The following CACNB2 variants were observed in gnomAD, a reference collection of about 807,000 sequenced individuals.
The protein encoded by CACNB2 is calcium voltage-gated channel auxiliary subunit beta 2.
In CACNB2, 42 loss-of-function variants were observed where a neutral mutation model predicts 73.3. That is an observed-to-expected ratio of 0.57 (90% CI 0.45 to 0.74). The LOEUF (loss-of-function observed/expected upper bound fraction) is 0.74. Ranked by LOEUF, CACNB2 falls within the 30% of genes least tolerant of loss-of-function variation. The pLI, the probability that CACNB2 is intolerant of heterozygous loss-of-function variation, is 0.00. For missense variants in CACNB2, 940 were observed against 853.0 expected (o/e 1.10, Z -1.27); for synonymous variants, 348 against 310.3 (o/e 1.12, Z -1.28).
chr10:18,443,014 G>GTATA lies in CACNB2; in HGVS notation c.333+40990_333+40993dup, dbSNP rs71402168. Among the ~76,000 whole-genome samples the GTATA allele has an allele frequency of 1.8e-3, 29 of 16,530 alleles. 2 individuals are homozygous for GTATA. The highest frequency in any genetic ancestry group is 2.1e-3 in the African/African-American group (4 of 1,914). The allele number at this position is 16,530 out of a possible 152,430, so 10.8% of individuals were successfully genotyped here. A position where few individuals can be genotyped will look rare whatever the true frequency, so the allele number is the denominator to read the frequency against. On this transcript the variant is annotated intron_variant, in intron 3 of 13. Transcript: ENST00000324631. Reference sequence around the variant, plus strand: ...TATATATATGTGTATATATATATATGTATATATATATATATATATATAAAT... The same window carrying GTATA: ...TATATATATGTGTATATATATATATGTATATATATATATATATATATATATAAAT...
At chr10:18,401,063 G>C (rs1474200609) in intron 2 of CACNB2, 28 of 1,614,214 alleles carry the variant, frequency 1.7e-5, no homozygotes, top group Non-Finnish European at 2.3e-5. Flanking sequence ...CTTCTGAAAA[G>C]AGCCAAGGGA....
At chr10:18,231,239 C>T (rs1413440228) in intron 2 of CACNB2, among the ~76,000 whole-genome samples, 1 of 152,162 alleles carries the variant, frequency 6.6e-6, no homozygotes, top group African/African-American at 2.4e-5. Flanking sequence ...TGCAGTGGCC[C>T]GATCTCGGCT....
chr10:18,284,173 G>T (rs1324846609), intron 2 of CACNB2, among the ~76,000 whole-genome samples: 3 of 152,208 alleles, frequency 2.0e-5, no homozygotes, highest in Non-Finnish European at 4.4e-5. Flanking sequence ...AGGCAAAGAA[G>T]AGCAAAGTCA....
chr10:18,232,026 T>C (rs2036243127), intron 2 of CACNB2, among the ~76,000 whole-genome samples: 1 of 152,188 alleles, frequency 6.6e-6, no homozygotes, highest in African/African-American at 2.4e-5. Flanking sequence ...TTATTTTCCT[T>C]CCCCAAGCAC....
At chr10:18,451,125 G>A (rs972277534) in intron 3 of CACNB2, among the ~76,000 whole-genome samples, 2 of 152,218 alleles carry the variant, frequency 1.3e-5, no homozygotes, top group Non-Finnish European at 2.9e-5. Context: ...GAAAATTAGT[G>A]CAGAGCTGGG....
chr10:18,290,252 C>T (rs1197224713), intron 2 of CACNB2, among the ~76,000 whole-genome samples: 1 of 150,918 alleles, frequency 6.6e-6, no homozygotes, highest in East Asian at 2.0e-4. Context: ...GTCCCAAACT[C>T]CTGACCTCAG....
chr10:18,182,209 TAGC>T (rs1564323647), intron 2 of CACNB2: 1 of 152,084 alleles, frequency 6.6e-6, no homozygotes, highest in Non-Finnish European at 1.5e-5. Context: ...ATGCCTGTAA[TAGC>T]AGCACTTTGG....
intron 2 of CACNB2, among the ~76,000 whole-genome samples, chr10:18,344,452 C>T (rs1182703892): frequency 6.6e-6 from 1 of 151,818 alleles, no homozygotes; most frequent in Non-Finnish European, 1.5e-5. Context: ...TCACTGAAAC[C>T]TCCACCTTTT....
chr10:18,514,709 C>T (rs1394915253), intron 7 of CACNB2, among the ~76,000 whole-genome samples: 1 of 152,200 alleles, frequency 6.6e-6, no homozygotes, highest in Non-Finnish European at 1.5e-5. Flanking sequence ...AACACCATTA[C>T]AGTACTTATC....
chr10:18,372,547 C>T (rs1286644969), intron 2 of CACNB2, among the ~76,000 whole-genome samples: 1 of 152,070 alleles, frequency 6.6e-6, no homozygotes, highest in Non-Finnish European at 1.5e-5. Flanking sequence ...ACTGGGATTA[C>T]AGATGTCCGC....
At chr10:18,400,491 T>C in intron 2 of CACNB2, 1 of 686,266 alleles carries the variant, frequency 1.5e-6, no homozygotes, top group Non-Finnish European at 1.8e-6. Context: ...CAGTGTGATG[T>C]GAGCATCTGC....
At chr10:18,523,002 G>GT (rs2052079652) in intron 9 of CACNB2, among the ~76,000 whole-genome samples, 1 of 151,242 alleles carries the variant, frequency 6.6e-6, no homozygotes, top group Admixed American at 6.6e-5. Flanking sequence ...TATAATCAAG[G>GT]TCTTCTAACC....
chr10:18,152,918 C>T (rs1056488426), intron 2 of CACNB2, among the ~76,000 whole-genome samples: 5 of 152,040 alleles, frequency 3.3e-5, no homozygotes, highest in African/African-American at 2.4e-5. Flanking sequence ...AGAAACGCCA[C>T]GTGAAGGCAG....
At chr10:18,367,308 C>T (rs541343720) in intron 2 of CACNB2, among the ~76,000 whole-genome samples, 3 of 151,526 alleles carry the variant, frequency 2.0e-5, no homozygotes, top group Non-Finnish European at 2.9e-5. Context: ...TTGTTATATG[C>T]GGAATTATTT....
intron 6 of CACNB2, among the ~76,000 whole-genome samples, chr10:18,506,915 C>G (rs2050520675): frequency 6.6e-6 from 1 of 152,220 alleles, no homozygotes. Flanking sequence ...CCCCCCACCT[C>G]CGCTTCCCAA....
intron 2 of CACNB2, among the ~76,000 whole-genome samples, chr10:18,224,004 G>A (rs74819424): frequency 8.1e-6 from 1 of 123,094 alleles, no homozygotes; most frequent in East Asian, 2.1e-4. Flanking sequence ...TTTTTTTTTT[G>A]TCCTGGGAAA....
intron 3 of CACNB2, among the ~76,000 whole-genome samples, chr10:18,414,221 T>C (rs575306319): frequency 6.6e-6 from 1 of 152,364 alleles, no homozygotes; most frequent in Non-Finnish European, 1.5e-5. Context: ...AACTTTGAGA[T>C]GTGCTTTCTG....
At chr10:18,274,173 G>A (rs944470348) in intron 2 of CACNB2, among the ~76,000 whole-genome samples, 8 of 151,922 alleles carry the variant, frequency 5.3e-5, no homozygotes, top group Non-Finnish European at 1.0e-4. Flanking sequence ...AGGTTAATTC[G>A]GGTGAAATAA....
intron 2 of CACNB2, among the ~76,000 whole-genome samples, chr10:18,271,658 G>T (rs999292721): frequency 6.6e-6 from 1 of 152,092 alleles, no homozygotes. Flanking sequence ...GCAGGTAGCC[G>T]TTCTCTGAAG....
Sources: gnomAD v4.1 joint callset for allele counts (sites outside exome capture counted in the v4.1 genomes callset) on GRCh38, gnomAD v4.1.1 for gene constraint, MANE v1.5 for transcripts, NCBI Gene and HGNC (gene_info 2026-07-23, HGNC 2026-07-21) for gene names.